The following ARID5B variants were observed in gnomAD, a reference collection of about 807,000 sequenced individuals.
The protein encoded by ARID5B is AT-rich interaction domain 5B.
In ARID5B, 13 loss-of-function variants were observed where a neutral mutation model predicts 97.2. The ratio of observed to expected loss-of-function variants is 0.13; its 90% CI spans 0.09 to 0.21. The LOEUF (loss-of-function observed/expected upper bound fraction) is 0.21. Ranked by LOEUF, ARID5B falls within the 10% of genes least tolerant of loss-of-function variation. The probability of loss-of-function intolerance (pLI) is 1.00; values close to 1 mark genes in which losing one functional copy is unlikely to be tolerated. For missense variants in ARID5B, 1,210 were observed against 1,465.3 expected (o/e 0.83, Z 2.84); for synonymous variants, 556 against 570.3 (o/e 0.97, Z 0.36).
chr10:62,046,320 G>C (rs916055973), intron 4 of ARID5B, among the ~76,000 whole-genome samples: 2 of 152,112 alleles, frequency 1.3e-5, no homozygotes, highest in African/African-American at 4.8e-5. Flanking sequence ...TATTATTATT[G>C]CAAGAGTTGG....
intron 4 of ARID5B, among the ~76,000 whole-genome samples, chr10:62,041,774 A>G (rs1432522248): frequency 3.3e-5 from 5 of 152,256 alleles, no homozygotes; most frequent in Non-Finnish European, 7.3e-5. Flanking sequence ...GAAATGGAAT[A>G]TCTCATTTCC....
In ARID5B at chr10:62,000,044, T is replaced by C. The variant is rs1839055240; in HGVS notation, c.503-47T>C. On this transcript the variant is annotated intron_variant, in intron 3 of 9. Transcript: ENST00000279873. This position sits in a 1 kb window ranked among gnomAD's most constrained non-coding sequence, Gnocchi z 4.4. The stretch of plus-strand genomic sequence containing the variant: ...AATTATACCATGGCCATGAAAGTTC[T>C]TTGTCAGAGGGAAGAGGGTAATGGA... 1.3e-6 allele frequency: 2 copies of C among 1,574,412 alleles called. No homozygotes were observed. Among genetic ancestry groups the C allele is most frequent in the South Asian group, 2.2e-5 (2 of 90,066 alleles).
intron 4 of ARID5B, among the ~76,000 whole-genome samples, chr10:62,038,389 G>GA (rs919693238): frequency 2.0e-5 from 3 of 149,356 alleles, no homozygotes; most frequent in Non-Finnish European, 4.5e-5. Context: ...AAAAAGAAAA[G>GA]AAAAAAAGCC....
Position 61,948,380 on chromosome 10 carries a change from A to ATTTTTTTTTTTTTTTTTTT in ARID5B, c.502+7974_502+7992dup, listed in dbSNP as rs71470784. 7.0e-5 allele frequency among the ~76,000 whole-genome samples: 6 copies of ATTTTTTTTTTTTTTTTTTT among 86,198 alleles called. 1 individual carries two copies. Among genetic ancestry groups the ATTTTTTTTTTTTTTTTTTT allele is most frequent in the Non-Finnish European group, 1.3e-4 (6 of 45,642 alleles). The allele number at this position is 86,198 out of a possible 152,430, so 56.5% of individuals were successfully genotyped here. A position where few individuals can be genotyped will look rare whatever the true frequency, so the allele number is the denominator to read the frequency against. Reference sequence around the variant, plus strand: ...CTTATCTTAGGATACACTTTAGGTAATTTTTTTTTTTTTTTTTTTTGAGAT... The same window carrying ATTTTTTTTTTTTTTTTTTT: ...CTTATCTTAGGATACACTTTAGGTAATTTTTTTTTTTTTTTTTTTTTTTTTTTTTTTTTTTTTTTGAGAT... On this transcript the variant is annotated intron_variant, in intron 3 of 9. Coordinates refer to ENST00000279873, the MANE Select transcript of ARID5B (RefSeq NM_032199.3).
chr10:61,961,660 T>C (rs2132822477), intron 3 of ARID5B, among the ~76,000 whole-genome samples: 1 of 152,326 alleles, frequency 6.6e-6, no homozygotes, highest in East Asian at 1.9e-4. Context: ...TTCCAGATGC[T>C]CAGACTCTTA....
intron 3 of ARID5B, among the ~76,000 whole-genome samples, chr10:61,966,984 T>C (rs766646652): frequency 3.9e-5 from 6 of 152,206 alleles, no homozygotes; most frequent in Non-Finnish European, 5.9e-5. Context: ...CTCTGTATAT[T>C]GGCTCGTATA....
chr10:61,980,477 A>G (rs180912139), intron 3 of ARID5B, among the ~76,000 whole-genome samples: 83 of 152,230 alleles, frequency 5.5e-4, no homozygotes, highest in Admixed American at 1.8e-3. Context: ...TCAATAAAAA[A>G]TTTCCTGTGG....
intron 2 of ARID5B, among the ~76,000 whole-genome samples, chr10:61,933,334 G>T (rs1223264719): frequency 1.3e-5 from 2 of 152,118 alleles, no homozygotes; most frequent in South Asian, 2.1e-4. Context: ...ACCTATGAGG[G>T]TTGAATCAAT....
At chr10:61,992,032 C>CAA (rs372912200) in intron 3 of ARID5B, among the ~76,000 whole-genome samples, 3 of 135,342 alleles carry the variant, frequency 2.2e-5, no homozygotes, top group African/African-American at 2.7e-5. Context: ...AACTCTGTCT[C>CAA]AAAAAAAAAA....
intron 2 of ARID5B, among the ~76,000 whole-genome samples, chr10:61,920,523 G>T (rs1843995624): frequency 6.6e-6 from 1 of 151,820 alleles, no homozygotes; most frequent in African/African-American, 2.4e-5. Context: ...TTTTAGTAGA[G>T]ACAGGTTTCG....
intron 2 of ARID5B, among the ~76,000 whole-genome samples, chr10:61,935,079 TCA>T: frequency 6.6e-6 from 1 of 150,678 alleles, no homozygotes; most frequent in South Asian, 2.1e-4. Flanking sequence ...TTTTGAAATA[TCA>T]CAAGAATTAC....
intron 2 of ARID5B, among the ~76,000 whole-genome samples, chr10:61,939,201 A>G (rs530445831): frequency 6.6e-5 from 10 of 152,170 alleles, no homozygotes; most frequent in Non-Finnish European, 1.5e-4. Context: ...TTCTTCAGAA[A>G]TGTGAAATAA....
At chr10:62,025,929 G>C (rs186248182) in intron 4 of ARID5B, among the ~76,000 whole-genome samples, 1 of 152,196 alleles carries the variant, frequency 6.6e-6, no homozygotes, top group Admixed American at 6.5e-5. Flanking sequence ...AGTTCAAAAG[G>C]TGTTCGTATC....
rs566037551 is a variant in ARID5B, at chr10:61,997,827, GC to G, written c.503-2263del. 3.2e-3 allele frequency among the ~76,000 whole-genome samples: 487 copies of G among 152,248 alleles called. 5 individuals are homozygous for G. The highest frequency in any genetic ancestry group is 3.0e-3 in the Non-Finnish European group (205 of 68,014). ...ACTTAAAAACTCTGGAGAAACGACCGCATTTGAATATTTTCACTAAAACTTT... is the reference window on the plus strand; with the variant it reads ...ACTTAAAAACTCTGGAGAAACGACCGATTTGAATATTTTCACTAAAACTTT... On this transcript the variant is annotated intron_variant, in intron 3 of 9. Coordinates refer to ENST00000279873, the MANE Select transcript of ARID5B (RefSeq NM_032199.3).
intron 9 of ARID5B, among the ~76,000 whole-genome samples, chr10:62,087,432 CA>C (rs1391313099): frequency 6.7e-6 from 1 of 150,254 alleles, no homozygotes; most frequent in Non-Finnish European, 1.5e-5. Flanking sequence ...AAGCCCCCAA[CA>C]GCCTTTTGGT....
At chr10:61,949,131 G>T (rs1838284509) in intron 3 of ARID5B, among the ~76,000 whole-genome samples, 1 of 152,176 alleles carries the variant, frequency 6.6e-6, no homozygotes, top group Non-Finnish European at 1.5e-5. Context: ...TTTTGCCTCA[G>T]TAACGGTCTA....
chr10:62,000,465 T>C lies in ARID5B; in HGVS notation c.733+144T>C. The C allele has an allele frequency of 1.4e-6, 1 of 706,898 alleles. No individual in the cohort carries two copies. The highest frequency in any genetic ancestry group is 2.3e-6 in the Non-Finnish European group (1 of 434,898). 43.8% of individuals were successfully genotyped at this position (706,898 alleles called of 1,614,324 possible). A position where few individuals can be genotyped will look rare whatever the true frequency, so the allele number is the denominator to read the frequency against. ...CCCACCCCTCCCATCCCCCAAATTA[T>C]TGCGGCATAAGGCGTCATTGCCTCC... On this transcript the variant is annotated intron_variant, in intron 4 of 9. Transcript: ENST00000279873. The surrounding 1 kb of genome is among the most constrained non-coding windows in gnomAD (Gnocchi z 4.4).
intron 7 of ARID5B, among the ~76,000 whole-genome samples, chr10:62,062,719 T>C (rs1036771582): frequency 6.9e-6 from 1 of 144,508 alleles, no homozygotes; most frequent in Admixed American, 7.3e-5. Flanking sequence ...TTGTTTTCAA[T>C]GAGGGGAAGT....
chr10:62,077,502 T>C, intron 8 of ARID5B, among the ~76,000 whole-genome samples: 1 of 150,874 alleles, frequency 6.6e-6, no homozygotes, highest in Admixed American at 6.6e-5. Flanking sequence ...TGCTGTAAAC[T>C]ACAGCGAGTT....
Sources: gnomAD v4.1 joint callset for allele counts (sites outside exome capture counted in the v4.1 genomes callset) on GRCh38, gnomAD v4.1.1 for gene constraint, Gnocchi (gnomAD v3.1) non-coding constraint, MANE v1.5 for transcripts, NCBI Gene and HGNC (gene_info 2026-07-23, HGNC 2026-07-21) for gene names.